LONRF2: variants seen among roughly 807,000 people sequenced by gnomAD.
LONRF2 encodes the protein LON peptidase N-terminal domain and RING finger protein 2.
LONRF2 carries 35 observed loss-of-function variants against 66.6 expected under a neutral mutation model. That is an observed-to-expected ratio of 0.53 (90% CI 0.40 to 0.70). LONRF2 has a LOEUF of 0.70. Ranked by LOEUF, LONRF2 falls within the 30% of genes least tolerant of loss-of-function variation. The probability of loss-of-function intolerance (pLI) is 0.00; values close to 1 mark genes in which losing one functional copy is unlikely to be tolerated. For missense variants in LONRF2, 902 were observed against 1,002.1 expected, an observed-to-expected ratio of 0.90 and a Z score of 1.35; for synonymous variants, 417 against 418.1, an observed-to-expected ratio of 1.00 and a Z score of 0.03.
chr2:100,287,725 C>T (rs568130455), intron 10 of LONRF2, among the ~76,000 whole-genome samples: 12 of 152,246 alleles, frequency 7.9e-5, no homozygotes, highest in South Asian at 4.1e-4. Context: ...ATTTAAATTA[C>T]GCCTCAGTCC....
rs1317747691 is a variant in LONRF2, at chr2:100,276,696, C to T, written c.*7602G>A. The T allele has an allele frequency of 6.6e-6, 1 of 152,028 alleles. No individual in the cohort carries two copies. The highest frequency in any genetic ancestry group is 1.5e-5 in the Non-Finnish European group (1 of 68,026). 9.4% of individuals were successfully genotyped at this position (152,028 alleles called of 1,614,324 possible). A position where few individuals can be genotyped will look rare whatever the true frequency, so the allele number is the denominator to read the frequency against. ...TTACTACAACCTTATTGCTGCAGTC[C>T]CATCCATTACCCAATTTCCATTATT... On this transcript the variant is annotated 3_prime_UTR_variant, in exon 12 of 12. Transcript: ENST00000393437.
At position 100,322,306 on chromosome 2, in the gene LONRF2, C is replaced by T. The variant is rs982799242; in HGVS notation, c.-213G>A. On this transcript the variant is annotated 5_prime_UTR_variant, in exon 1 of 12. Coordinates refer to ENST00000393437, the MANE Select transcript of LONRF2 (RefSeq NM_198461.4). Reference sequence around the variant, plus strand: ...TCAGCGCGGTGTGGGCGGCGAGCCCCGCAGGGCTGCAATCGTTCCGGGGTG... The same window carrying T: ...TCAGCGCGGTGTGGGCGGCGAGCCCTGCAGGGCTGCAATCGTTCCGGGGTG... 3 of 369,470 alleles carry T rather than the reference C, an allele frequency of 8.1e-6. No homozygotes were observed. The highest frequency in any genetic ancestry group is 7.8e-4 in the Middle Eastern group (1 of 1,280). 22.9% of individuals were successfully genotyped at this position (369,470 alleles called of 1,614,324 possible).
rs547792535 is a variant in LONRF2 at position 100,281,174 on chromosome 2, A to G, written c.*3124T>C. 5.9e-5 allele frequency: 9 copies of G among 152,342 alleles called. No individual in the cohort carries two copies. The East Asian group carries it at 1.7e-3, about 29-fold the overall frequency. The allele number at this position is 152,342 out of a possible 1,614,324, so 9.4% of individuals were successfully genotyped here. A position where few individuals can be genotyped will look rare whatever the true frequency, so the allele number is the denominator to read the frequency against. On this transcript the variant is annotated 3_prime_UTR_variant, in exon 12 of 12. Transcript: ENST00000393437. ...TAATATCATAGTTCATTGTTATTCT[A>G]CCATCCATAAACTTCAACTGTTCCT...
chr2:100,300,663 C>A lies in LONRF2; in HGVS notation c.1046G>T (p.Gly349Val). 6.2e-7 allele frequency: 1 copy of A among 1,612,012 alleles called. No individual in the cohort carries two copies. The highest frequency in any genetic ancestry group is 1.7e-5 in the Admixed American group (1 of 59,346). Residue 349 changes from glycine (G) to valine (V), a missense_variant, in exon 4 of 12, where the codon GGT (glycine) becomes GTT (valine). By Grantham distance (109) the Gly-to-Val change is moderately radical. Around this residue, in one of 2 missense-constraint regions of LONRF2, gnomAD observed 585 missense variants for 569.9 expected, o/e 1.03. Coordinates refer to ENST00000393437, the MANE Select transcript of LONRF2 (RefSeq NM_198461.4). ...TCATACCTCCGAGCTCCCTGCATCA[C>A]CTTCTTCCAGCAGAGCCTGGGCATT... ...HMNAQALLEE[G>V]DAGSSENSSE...
chr2:100,280,949 A>G lies in LONRF2; in HGVS notation c.*3349T>C, dbSNP rs1674705552. On this transcript the variant is annotated 3_prime_UTR_variant, in exon 12 of 12. Coordinates refer to ENST00000393437, the MANE Select transcript of LONRF2 (RefSeq NM_198461.4). ...TCTTTCACACTTCTTCTTATTTGAT[A>G]GACAGTATTCAAATTTTGAAGAGTG... 6.6e-6 allele frequency: 1 copy of G among 152,220 alleles called. No homozygotes were observed. The highest frequency in any genetic ancestry group is 2.4e-5 in the African/African-American group (1 of 41,452). 9.4% of individuals were successfully genotyped at this position (152,220 alleles called of 1,614,324 possible). A position where few individuals can be genotyped will look rare whatever the true frequency, so the allele number is the denominator to read the frequency against.
At chr2:100,296,432 C>T (rs576488820) in intron 7 of LONRF2, among the ~76,000 whole-genome samples, 8 of 152,270 alleles carry the variant, frequency 5.3e-5, no homozygotes, top group Non-Finnish European at 1.2e-4. Flanking sequence ...GCTGAGCCAC[C>T]ATGGCATAGC....
chr2:100,304,935 T>C (rs1242254784), intron 2 of LONRF2, among the ~76,000 whole-genome samples: 2 of 152,044 alleles, frequency 1.3e-5, no homozygotes, highest in African/African-American at 2.4e-5. Flanking sequence ...CCAGCCTCCA[T>C]GGCTCCTTTT....
chr2:100,318,788 T>C (rs1675562552), intron 1 of LONRF2, among the ~76,000 whole-genome samples: 1 of 146,098 alleles, frequency 6.8e-6, no homozygotes, highest in Non-Finnish European at 1.5e-5. Context: ...ACCGATATCA[T>C]GTCACTGCAG....
Position 100,313,316 on chromosome 2 carries a change from G to A in LONRF2, c.680-4091C>T, listed in dbSNP as rs545543840. 3.9e-5 allele frequency among the ~76,000 whole-genome samples: 6 copies of A among 152,240 alleles called. No homozygotes were observed. The East Asian group carries it at 5.8e-4, about 15-fold the overall frequency. On this transcript the variant is annotated intron_variant, in intron 1 of 11. Transcript: ENST00000393437. ...TTGAGACCAGCCTGGCCAATATGGC[G>A]AGACCCCATCTCTACTAAAAGTAAA...
At chr2:100,294,910 C>T (rs896954566) in intron 8 of LONRF2, among the ~76,000 whole-genome samples, 15 of 152,058 alleles carry the variant, frequency 9.9e-5, no homozygotes, top group African/African-American at 2.9e-4. Flanking sequence ...GTAAAATATA[C>T]GTATACAATT....
intron 2 of LONRF2, among the ~76,000 whole-genome samples, chr2:100,304,788 T>G (rs1675258126): frequency 7.7e-6 from 1 of 130,606 alleles, no homozygotes; most frequent in African/African-American, 3.2e-5. Context: ...CATGCCTGGC[T>G]AATTTTTTTT....
chr2:100,296,077 G>C (rs1675060500), intron 7 of LONRF2, among the ~76,000 whole-genome samples: 1 of 152,096 alleles, frequency 6.6e-6, no homozygotes, highest in African/African-American at 2.4e-5. Context: ...GATTGAGAAA[G>C]AGAGAGAGGG....
In LONRF2 at chr2:100,321,790, G is replaced by C; in HGVS notation, c.304C>G (p.Leu102Val). Residue 102 changes from leucine to valine, a missense_variant, in exon 1 of 12, where the codon CTG becomes GTG. This residue lies in a region of LONRF2 where 585 missense variants were observed against 569.9 expected (regional missense o/e 1.03). Coordinates refer to ENST00000393437, the MANE Select transcript of LONRF2 (RefSeq NM_198461.4). ...PEELEELAGG[L>V]VRAVGLRDRP... ...TCGCGCAGGCCCACGGCGCGCACCA[G>C]GCCGCCCGCCAGCTCTTCCAGCTCC... 1.9e-6 allele frequency: 2 copies of C among 1,058,510 alleles called. No individual in the cohort carries two copies. Among genetic ancestry groups the C allele is most frequent in the Non-Finnish European group, 2.3e-6 (2 of 878,214 alleles). The allele number at this position is 1,058,510 out of a possible 1,614,324, so 65.6% of individuals were successfully genotyped here.
At chr2:100,293,466 G>A (rs1675002551) in intron 9 of LONRF2, among the ~76,000 whole-genome samples, 1 of 152,136 alleles carries the variant, frequency 6.6e-6, no homozygotes, top group Non-Finnish European at 1.5e-5. Flanking sequence ...TTTCTCCAGA[G>A]TCCTTTAAGA....
Position 100,276,269 on chromosome 2 carries a change from C to G in LONRF2, c.*8029G>C, listed in dbSNP as rs1674599779. 1 of 152,068 alleles carries G rather than the reference C, an allele frequency of 6.6e-6. No individual in the cohort carries two copies. Among genetic ancestry groups the G allele is most frequent in the South Asian group, 2.1e-4 (1 of 4,824 alleles). The allele number at this position is 152,068 out of a possible 1,614,324, so 9.4% of individuals were successfully genotyped here. ...ACTGGGGCTCAAATTACAGTTATAC[C>G]TGGAGATCCCACTAAATCTAAACAT... On this transcript the variant is annotated 3_prime_UTR_variant, in exon 12 of 12. Transcript: ENST00000393437.
At chr2:100,304,568 A>G (rs1382333168) in intron 2 of LONRF2, among the ~76,000 whole-genome samples, 1 of 151,196 alleles carries the variant, frequency 6.6e-6, no homozygotes, top group Non-Finnish European at 1.5e-5. Flanking sequence ...ACTTCTTCAA[A>G]GTCTCTTTGT....
At chr2:100,298,749 G>A (rs776810627) in intron 7 of LONRF2, 87 bp downstream of exon 7, 90 of 901,326 alleles carry the variant, frequency 1.0e-4, no homozygotes, top group South Asian at 4.0e-4. Flanking sequence ...TAACAACTGG[G>A]TGGGGGAAGC....
chr2:100,312,525 C>T (rs1675429115), intron 1 of LONRF2, among the ~76,000 whole-genome samples: 1 of 152,140 alleles, frequency 6.6e-6, no homozygotes, highest in African/African-American at 2.4e-5. Flanking sequence ...AAATACATTT[C>T]ATTTACATTT....
In LONRF2 at chr2:100,302,911, G is replaced by T. The variant is rs760960213; in HGVS notation, c.921+10C>A. On this transcript the variant is annotated intron_variant, in intron 3 of 11. Coordinates refer to ENST00000393437, the MANE Select transcript of LONRF2 (RefSeq NM_198461.4). ...ACCTGATAGAGAAAGTCCTTTAACA[G>T]AACTCATACCTTCTGTGCTTCTTTC... 2 of 1,587,792 alleles carry T rather than the reference G, an allele frequency of 1.3e-6. No homozygotes were observed. Among genetic ancestry groups the T allele is most frequent in the South Asian group, 1.2e-5 (1 of 85,894 alleles).
Sources: gnomAD v4.1 joint callset for allele counts (sites outside exome capture counted in the v4.1 genomes callset) on GRCh38, gnomAD v4.1.1 for gene constraint, gnomAD v4.1.1 regional missense constraint, MANE v1.5 for transcripts, NCBI Gene and HGNC (gene_info 2026-07-23, HGNC 2026-07-21) for gene names.